COL11A1: variants seen among roughly 807,000 people sequenced by gnomAD.
COL11A1 encodes collagen alpha-1(XI) chain.
A neutral mutation model predicts 265.2 loss-of-function variants in COL11A1; 74 were observed. That is an observed-to-expected ratio of 0.28 (90% CI 0.23 to 0.34). The LOEUF (loss-of-function observed/expected upper bound fraction) is 0.34, where lower values mean the gene tolerates loss of function less well. Ranked by LOEUF, COL11A1 falls within the 10% of genes least tolerant of loss-of-function variation. COL11A1 has a pLI of 1.00. For missense variants in COL11A1, 2,165 were observed against 2,263.6 expected (o/e 0.96, Z 0.88); for synonymous variants, 816 against 727.6 (o/e 1.12, Z -1.96).
chr1:103,061,529 A>G (rs1670673537), intron 4 of COL11A1, among the ~76,000 whole-genome samples: 1 of 152,146 alleles, frequency 6.6e-6, no homozygotes. Context: ...TTGAACAAAT[A>G]TACATAATCC....
chr1:102,929,144 T>A (rs1163592820), intron 46 of COL11A1, among the ~76,000 whole-genome samples: 1 of 136,184 alleles, frequency 7.3e-6, no homozygotes, highest in East Asian at 2.2e-4. Flanking sequence ...GCTTTTGGTG[T>A]TTTAGACATG....
intron 14 of COL11A1, among the ~76,000 whole-genome samples, chr1:103,011,007 T>G (rs1666083113): frequency 6.6e-6 from 1 of 152,152 alleles, no homozygotes. Context: ...GCCTGATATT[T>G]GTAAATTAAA....
intron 9 of COL11A1, among the ~76,000 whole-genome samples, chr1:103,020,860 TG>T (rs1666990004): frequency 7.2e-6 from 1 of 138,980 alleles, no homozygotes. Flanking sequence ...CTTTCCCCAT[TG>T]CTTGTTTTTG....
intron 41 of COL11A1, among the ~76,000 whole-genome samples, chr1:102,951,573 A>G (rs1180080676): frequency 6.6e-6 from 1 of 151,824 alleles, no homozygotes; most frequent in Non-Finnish European, 1.5e-5. Flanking sequence ...CGTCTCTACT[A>G]AAAACACAAA....
intron 4 of COL11A1, among the ~76,000 whole-genome samples, chr1:103,048,052 G>A (rs1394197332): frequency 2.0e-5 from 3 of 152,160 alleles, no homozygotes; most frequent in African/African-American, 7.2e-5. Flanking sequence ...AAGGATATTG[G>A]TCTAAAATTC....
At chr1:103,076,661 C>T (rs1194922549) in intron 3 of COL11A1, among the ~76,000 whole-genome samples, 1 of 152,116 alleles carries the variant, frequency 6.6e-6, no homozygotes, top group Non-Finnish European at 1.5e-5. Context: ...ATGAGTGAAA[C>T]CTCATGTTTT....
intron 29 of COL11A1, among the ~76,000 whole-genome samples, 198 bp from the exon 30 acceptor site, chr1:102,987,938 T>C (rs1473699924): frequency 2.0e-5 from 3 of 152,122 alleles, no homozygotes; most frequent in African/African-American, 4.8e-5. Context: ...TAAATGATGA[T>C]AGTCTTTCCC....
intron 44 of COL11A1, among the ~76,000 whole-genome samples, chr1:102,938,359 CA>C (rs1658364521): frequency 6.8e-6 from 1 of 146,282 alleles, no homozygotes; most frequent in Non-Finnish European, 1.5e-5. Flanking sequence ...TATCAGAGAG[CA>C]AATACATGAA....
intron 4 of COL11A1, among the ~76,000 whole-genome samples, chr1:103,040,058 A>G (rs991536217): frequency 2.0e-5 from 3 of 152,090 alleles, no homozygotes; most frequent in African/African-American, 4.8e-5. Context: ...TTTAAAGAGG[A>G]CAAATTTTTA....
chr1:103,061,706 G>A (rs1670691190), intron 4 of COL11A1, among the ~76,000 whole-genome samples: 1 of 151,850 alleles, frequency 6.6e-6, no homozygotes, highest in Non-Finnish European at 1.5e-5. Context: ...TTCTTTGAGG[G>A]AAATCTATAG....
chr1:103,051,313 C>A (rs1038178961), intron 4 of COL11A1, among the ~76,000 whole-genome samples: 2 of 152,206 alleles, frequency 1.3e-5, no homozygotes, highest in African/African-American at 2.4e-5. Context: ...GGGTGCCCCT[C>A]CCCCAGCCTC....
intron 41 of COL11A1, among the ~76,000 whole-genome samples, chr1:102,951,910 A>G (rs2101474107): frequency 6.6e-6 from 1 of 152,290 alleles, no homozygotes; most frequent in South Asian, 2.1e-4. Context: ...AACTGGATGC[A>G]TTATGATTGA....
intron 19 of COL11A1, 44 bp downstream of exon 19, chr1:103,004,564 G>A: frequency 1.3e-6 from 2 of 1,586,162 alleles, no homozygotes; most frequent in Non-Finnish European, 1.7e-6. Context: ...GTTTTATTAT[G>A]TTTTAATTTT....
chr1:102,980,274 A>C (rs1006926092), intron 31 of COL11A1, among the ~76,000 whole-genome samples: 1 of 152,150 alleles, frequency 6.6e-6, no homozygotes, highest in Non-Finnish European at 1.5e-5. Flanking sequence ...TTATAAAAAC[A>C]CTATTTCATT....
At position 102,962,730 on chromosome 1, in the gene COL11A1, C is replaced by T. The variant is rs1420908638; in HGVS notation, c.2947G>A (p.Glu983Lys). 1 of 1,614,110 alleles carries T rather than the reference C, an allele frequency of 6.2e-7. No individual in the cohort carries two copies. ...CCAGGAGGGCCAGGATGCCCACGTT[C>T]CCCTATTGGACCAGTCTCACCGGTT... is the stretch of plus-strand genomic sequence containing the variant. ...GPTGETGPIG[E>K]RGHPGPPGPP... The change falls in exon 39 of 67, where the codon GAA (glutamate) becomes AAA (lysine). Residue 983 changes from glutamate (E) to lysine (K), a missense_variant. By Grantham distance (56) the Glu-to-Lys change is moderately conservative. Coordinates refer to ENST00000370096, the MANE Select transcript of COL11A1 (RefSeq NM_001854.4).
intron 41 of COL11A1, among the ~76,000 whole-genome samples, chr1:102,960,313 G>T (rs1660772638): frequency 6.6e-6 from 1 of 152,000 alleles, no homozygotes; most frequent in African/African-American, 2.4e-5. Flanking sequence ...CCAATATTAG[G>T]TATTCATAAT....
At chr1:103,095,698 T>C (rs1293301041) in intron 1 of COL11A1, among the ~76,000 whole-genome samples, 3 of 152,016 alleles carry the variant, frequency 2.0e-5, no homozygotes, top group African/African-American at 7.2e-5. Context: ...GGTCCCTTCA[T>C]TTGTACATTG....
intron 16 of COL11A1, 60 bp from the exon 17 acceptor site, chr1:103,006,181 A>ATAAATAAATAAG: frequency 9.3e-7 from 1 of 1,071,654 alleles, no homozygotes. Flanking sequence ...AGGAAGTAAA[A>ATAAATAAATAAG]TAAATAAATA....
chr1:103,037,483 AG>A, intron 4 of COL11A1, among the ~76,000 whole-genome samples: 1 of 152,272 alleles, frequency 6.6e-6, no homozygotes, highest in African/African-American at 2.4e-5. Context: ...AGCTGCCTCT[AG>A]AGAATGAGCA....
Sources: allele counts gnomAD v4.1 joint callset (sites outside exome capture counted in the v4.1 genomes callset), GRCh38; gene constraint gnomAD v4.1.1; transcripts MANE v1.5; gene names NCBI Gene and HGNC (gene_info 2026-07-23, HGNC 2026-07-21).